Variants in ERC2 observed in about 807,000 individuals in gnomAD.
The protein encoded by ERC2 is ELKS/RAB6-interacting/CAST family member 2, also known as ERC protein 2.
ERC2 carries 42 observed loss-of-function variants against 114.8 expected under a neutral mutation model. That is an observed-to-expected ratio of 0.37 (90% CI 0.29 to 0.47). The LOEUF is 0.47. ERC2 is among the 20% of genes least tolerant of loss of function. The pLI is 0.99. For synonymous variants in ERC2, 454 were observed against 425.5 expected (o/e 1.07, Z -0.82); for missense variants, 939 against 1,150.7 (o/e 0.82, Z 2.66).
chr3:55,844,499 A>G (rs111377771), intron 14 of ERC2, among the ~76,000 whole-genome samples: 1 of 152,198 alleles, frequency 6.6e-6, no homozygotes. Flanking sequence ...GGCAAAATTA[A>G]TCTATGGTGT....
chr3:55,522,536 C>A (rs1278161054), intron 17 of ERC2, among the ~76,000 whole-genome samples: 1 of 145,820 alleles, frequency 6.9e-6, no homozygotes. Flanking sequence ...CAATAACATT[C>A]CCCTCCAAAG....
intron 14 of ERC2, among the ~76,000 whole-genome samples, chr3:55,764,153 A>G (rs535140744): frequency 6.1e-4 from 93 of 152,372 alleles, no homozygotes; most frequent in African/African-American, 2.1e-3. Flanking sequence ...TTCAGCTACA[A>G]GAGTTCTGCA....
chr3:55,799,918 G>A, intron 14 of ERC2, among the ~76,000 whole-genome samples: 1 of 152,112 alleles, frequency 6.6e-6, no homozygotes, highest in African/African-American at 2.4e-5. Context: ...AAGGCAATAT[G>A]CATAACCCAG....
At chr3:56,024,324 C>CT in intron 7 of ERC2, among the ~76,000 whole-genome samples, 1 of 152,316 alleles carries the variant, frequency 6.6e-6, no homozygotes, top group Middle Eastern at 3.4e-3. Flanking sequence ...ACAGTGAGCT[C>CT]TGTCCCACTC....
rs193107762 is a variant in ERC2, at chr3:55,510,185, T to A, written c.*1131A>T. 6.6e-6 allele frequency: 1 copy of A among 151,892 alleles called. No homozygotes were observed. The highest frequency in any genetic ancestry group is 1.5e-5 in the Non-Finnish European group (1 of 67,800). 9.4% of individuals were successfully genotyped at this position (151,892 alleles called of 1,614,324 possible). A position where few individuals can be genotyped will look rare whatever the true frequency, so the allele number is the denominator to read the frequency against. On this transcript the variant is annotated 3_prime_UTR_variant, in exon 18 of 18. Transcript: ENST00000288221. ...GAGCTATATACAGAGACACAGCTTT[T>A]GTGATTGTTCCTCATTCATCAATGT... is the stretch of plus-strand genomic sequence containing the variant.
At chr3:55,971,426 A>G (rs1480405380) in intron 12 of ERC2, among the ~76,000 whole-genome samples, 1 of 152,232 alleles carries the variant, frequency 6.6e-6, no homozygotes, top group Non-Finnish European at 1.5e-5. Context: ...GAAAACTTAT[A>G]TTGTCCCTCC....
At chr3:55,953,291 T>C (rs961525436) in intron 12 of ERC2, among the ~76,000 whole-genome samples, 1 of 152,102 alleles carries the variant, frequency 6.6e-6, no homozygotes, top group African/African-American at 2.4e-5. Flanking sequence ...CAGCCATTCC[T>C]TTAAACACTC....
At chr3:55,793,720 G>A (rs79345964) in intron 14 of ERC2, among the ~76,000 whole-genome samples, 20,975 of 152,042 alleles carry the variant, frequency 0.14, 1,671 homozygotes, top group East Asian at 0.23. Flanking sequence ...CACTTCCTAT[G>A]AAAAATCGTA....
chr3:56,145,810 T>C (rs2081104863), intron 5 of ERC2, among the ~76,000 whole-genome samples: 1 of 152,218 alleles, frequency 6.6e-6, no homozygotes, highest in Admixed American at 6.6e-5. Flanking sequence ...CTTAATTTAA[T>C]CAAAGAACTT....
chr3:56,074,522 T>G (rs2076885553), intron 7 of ERC2, among the ~76,000 whole-genome samples: 1 of 152,140 alleles, frequency 6.6e-6, no homozygotes, highest in African/African-American at 2.4e-5. Flanking sequence ...ATCCAATAAA[T>G]TAGAAGTGAG....
chr3:55,837,082 A>G (rs1422334976), intron 14 of ERC2, among the ~76,000 whole-genome samples: 3 of 152,262 alleles, frequency 2.0e-5, no homozygotes, highest in Non-Finnish European at 4.4e-5. Flanking sequence ...TTAGAATGGC[A>G]ATCATTAAAA....
At chr3:56,087,176 C>T (rs1054526946) in intron 6 of ERC2, among the ~76,000 whole-genome samples, 4 of 109,532 alleles carry the variant, frequency 3.7e-5, no homozygotes, top group African/African-American at 1.5e-4. Context: ...CCTTTTGATC[C>T]ATTTGTGTGT....
At chr3:55,720,400 C>A (rs2064470624) in intron 15 of ERC2, among the ~76,000 whole-genome samples, 2 of 149,282 alleles carry the variant, frequency 1.3e-5, no homozygotes, top group African/African-American at 5.0e-5. Flanking sequence ...ATTCTCCTGC[C>A]TCAGTCTCCC....
chr3:56,088,712 T>C (rs2077630932), intron 6 of ERC2, among the ~76,000 whole-genome samples: 1 of 152,136 alleles, frequency 6.6e-6, no homozygotes, highest in Non-Finnish European at 1.5e-5. Context: ...CTCATAACAA[T>C]GGCCTTTCAA....
At chr3:56,297,374 C>G (rs1017596305) in intron 2 of ERC2, among the ~76,000 whole-genome samples, 1 of 152,010 alleles carries the variant, frequency 6.6e-6, no homozygotes, top group Non-Finnish European at 1.5e-5. Context: ...ATCTCACTGA[C>G]CCAGAAACAG....
intron 17 of ERC2, among the ~76,000 whole-genome samples, chr3:55,562,292 A>T (rs924875658): frequency 6.6e-6 from 1 of 151,978 alleles, no homozygotes; most frequent in South Asian, 2.1e-4. Flanking sequence ...AGCTGGGATT[A>T]CAGTTGCCCG....
chr3:56,061,236 C>T (rs962950916), intron 7 of ERC2, among the ~76,000 whole-genome samples: 4 of 152,200 alleles, frequency 2.6e-5, no homozygotes, highest in Admixed American at 2.6e-4. Flanking sequence ...CAAATTAGTG[C>T]CTCCTGTGCT....
intron 17 of ERC2, among the ~76,000 whole-genome samples, chr3:55,513,721 C>G (rs1424386174): frequency 6.6e-6 from 1 of 152,026 alleles, no homozygotes; most frequent in Non-Finnish European, 1.5e-5. Flanking sequence ...GCAGCCTCGA[C>G]CTCCTGGAAT....
intron 3 of ERC2, among the ~76,000 whole-genome samples, chr3:56,190,822 C>T (rs1406947228): frequency 1.3e-5 from 2 of 152,234 alleles, no homozygotes; most frequent in East Asian, 1.9e-4. Context: ...GACCCTCCCA[C>T]CTCGGCCTCC....
Sources: allele counts gnomAD v4.1 joint callset (sites outside exome capture counted in the v4.1 genomes callset), GRCh38; gene constraint gnomAD v4.1.1; transcripts MANE v1.5; gene names NCBI Gene and HGNC (gene_info 2026-07-23, HGNC 2026-07-21).